Variants in AVPR1B observed in about 807,000 individuals in gnomAD.
AVPR1B encodes the protein arginine vasopressin receptor 1B.
A neutral mutation model predicts 27.5 loss-of-function variants in AVPR1B; 25 were observed. That is an observed-to-expected ratio of 0.91 (90% CI 0.66 to 1.27). The LOEUF is 1.27. AVPR1B is among the 50% of genes most tolerant of loss of function. The pLI is 0.00. For missense variants in AVPR1B, 595 were observed against 556.9 expected (o/e 1.07, Z -0.69); for synonymous variants, 248 against 240.2 (o/e 1.03, Z -0.30).
chr1:206,111,182 T>G (rs574488591), intron 1 of AVPR1B, among the ~76,000 whole-genome samples: 3 of 152,244 alleles, frequency 2.0e-5, no homozygotes, highest in African/African-American at 7.2e-5. Context: ...GGGGGCAGCT[T>G]TTACATACTG....
In AVPR1B at chr1:206,116,343, ACC is replaced by A. The variant is rs782354501; in HGVS notation, c.546_547del (p.Val183AlafsTer42). On this transcript the variant is annotated frameshift_variant, in exon 1 of 2. Transcript: ENST00000367126. LOFTEE classifies it high-confidence loss of function. ...GCCGAAGTCTGCCCAGCAGTCCAGC[ACC>A]CCTGAGCCCTGGATCACCTCCCGCA... The A allele has an allele frequency of 6.2e-7, 1 of 1,613,480 alleles. No homozygotes were observed.
chr1:206,112,583 G>A (rs1663398040), intron 1 of AVPR1B, among the ~76,000 whole-genome samples: 1 of 152,166 alleles, frequency 6.6e-6, no homozygotes, highest in Admixed American at 6.5e-5. Context: ...CTGTGCTCAA[G>A]CAATGCTTCT....
rs1188499262 is a variant in AVPR1B, at chr1:206,108,709, G to A, written c.*1480C>T. ...GGTGGCAGAACCAGGATGCAGCTTT[G>A]CTGATGTTTCAGCTGATGTCTTTTC... On this transcript the variant is annotated 3_prime_UTR_variant, in exon 2 of 2. Transcript: ENST00000367126. Among the ~76,000 whole-genome samples, 1 of 152,208 alleles carries A rather than the reference G, an allele frequency of 6.6e-6. No homozygotes were observed. The highest frequency in any genetic ancestry group is 1.5e-5 in the Non-Finnish European group (1 of 68,038).
intron 1 of AVPR1B, among the ~76,000 whole-genome samples, chr1:206,113,226 A>G (rs34219488): frequency 0.025 from 3,824 of 152,228 alleles, 66 homozygotes; most frequent in Middle Eastern, 0.082. Flanking sequence ...TGTGCTTCCC[A>G]GCCCTTGAGG....
At position 206,110,397 on chromosome 1, in the gene AVPR1B, C is replaced by T; in HGVS notation, c.1067G>A (p.Cys356Tyr). The T allele has an allele frequency of 6.2e-7, 1 of 1,612,806 alleles. No homozygotes were observed. The highest frequency in any genetic ancestry group is 8.5e-7 in the Non-Finnish European group (1 of 1,179,526). ...GCGCATCCTGGGCTGGGGACCCCCACAGCAGGCAAGGTGACGCAGGGGCCG... is the reference window on the plus strand; with the variant it reads ...GCGCATCCTGGGCTGGGGACCCCCATAGCAGGCAAGGTGACGCAGGGGCCG... ...LPRPLRHLAC[C>Y]GGPQPRMRRR... Residue 356 changes from cysteine (C) to tyrosine (Y), a missense_variant, in exon 2 of 2, where the codon TGT becomes TAT. Physicochemically the swap from Cys to Tyr is radical, Grantham distance 194. Coordinates refer to ENST00000367126, the MANE Select transcript of AVPR1B (RefSeq NM_000707.5).
Position 206,110,461 on chromosome 1 carries a change from G to A in AVPR1B, c.1003C>T (p.Pro335Ser), listed in dbSNP as rs372003922. ...CTGTTGAAGCCCATGTAGATCCAGG[G>A]GTTGCAGCAGCTGTTGAGGTTGCCC... ...LLGNLNSCCNPWIYMGFNSHL... is the reference protein window; with the variant it reads ...LLGNLNSCCNSWIYMGFNSHL... The change falls in exon 2 of 2, where the codon CCC becomes TCC. Residue 335 changes from proline (P) to serine (S), a missense_variant. Physicochemically the swap from Pro to Ser is moderately conservative, Grantham distance 74. Transcript: ENST00000367126. The A allele has an allele frequency of 3.7e-6, 6 of 1,613,904 alleles. No individual in the cohort carries two copies. In the African/African-American group the frequency reaches 8.0e-5, roughly 22 times the overall value.
rs782174578 is a variant in AVPR1B at position 206,116,638 on chromosome 1, G to A, written c.253C>T (p.Leu85Phe). The change falls in exon 1 of 2, where the codon CTC becomes TTC. Residue 85 changes from leucine (L) to phenylalanine (F), a missense_variant. By Grantham distance (22) the Leu-to-Phe change is conservative. Transcript: ENST00000367126. ...HLALTDLAVA[L>F]FQVLPQLLWD... ...AGCAGCTGTGGCAGCACCTGGAAGA[G>A]CGCCACGGCCAGGTCTGTCAGGGCT... is the stretch of plus-strand genomic sequence containing the variant. The A allele has an allele frequency of 6.2e-7, 1 of 1,613,684 alleles. No individual in the cohort carries two copies. Among genetic ancestry groups the A allele is most frequent in the East Asian group, 2.2e-5 (1 of 44,874 alleles).
chr1:206,116,785 C>A lies in AVPR1B; in HGVS notation c.106G>T (p.Val36Leu), dbSNP rs782791030. The stretch of plus-strand genomic sequence containing the variant: ...ACAGTGGCCAGGACTCCGATCTCCA[C>A]CTTGGCCAGCTCCTCATCCCGGCCC... ...WLGRDEELAKVEIGVLATVLV... is the reference protein window; with the variant it reads ...WLGRDEELAKLEIGVLATVLV... The change falls in exon 1 of 2, where the codon GTG (valine) becomes TTG (leucine). Residue 36 changes from valine (V) to leucine (L), a missense_variant. Physicochemically the swap from Val to Leu is conservative, Grantham distance 32 (BLOSUM62 1). Coordinates refer to ENST00000367126, the MANE Select transcript of AVPR1B (RefSeq NM_000707.5). The A allele has an allele frequency of 5.0e-6, 8 of 1,614,010 alleles. No individual in the cohort carries two copies. In the South Asian group the frequency reaches 8.8e-5, roughly 18 times the overall value.
chr1:206,114,881 A>G (rs1663437504), intron 1 of AVPR1B, among the ~76,000 whole-genome samples: 1 of 152,160 alleles, frequency 6.6e-6, no homozygotes, highest in Admixed American at 6.5e-5. Flanking sequence ...GTAGGAGCAG[A>G]AGCAGGATAA....
rs1244069319 is a variant in AVPR1B at position 206,108,802 on chromosome 1, C to T, written c.*1387G>A. Reference sequence around the variant, plus strand: ...GGGGAAGCTATGCCATGATAAAAGTCCCCTGGAGATAATGAGCATGTGCCA... The same window carrying T: ...GGGGAAGCTATGCCATGATAAAAGTTCCCTGGAGATAATGAGCATGTGCCA... On this transcript the variant is annotated 3_prime_UTR_variant, in exon 2 of 2. Coordinates refer to ENST00000367126, the MANE Select transcript of AVPR1B (RefSeq NM_000707.5). 2.6e-5 allele frequency among the ~76,000 whole-genome samples: 4 copies of T among 152,174 alleles called. No homozygotes were observed. Among genetic ancestry groups the T allele is most frequent in the African/African-American group, 7.2e-5 (3 of 41,440 alleles).
rs1553289177 is a variant in AVPR1B, at chr1:206,107,611, G to T, written c.*2578C>A. Among the ~76,000 whole-genome samples the T allele has an allele frequency of 6.6e-6, 1 of 152,176 alleles. No individual in the cohort carries two copies. Among genetic ancestry groups the T allele is most frequent in the African/African-American group, 2.4e-5 (1 of 41,440 alleles). ...CCTTTCCATGGGAGGAACAATGAGG[G>T]CTCCAAAGCCACCACCCCAAGTAAA... is the stretch of plus-strand genomic sequence containing the variant. On this transcript the variant is annotated 3_prime_UTR_variant, in exon 2 of 2. Transcript: ENST00000367126.
Position 206,116,780 on chromosome 1 carries a change from C to A in AVPR1B, c.111G>T (p.Glu37Asp). Residue 37 changes from glutamate to aspartate, a missense_variant, in exon 1 of 2, where the codon GAG becomes GAT. Physicochemically the swap from Glu to Asp is conservative, Grantham distance 45. Coordinates refer to ENST00000367126, the MANE Select transcript of AVPR1B (RefSeq NM_000707.5). ...LGRDEELAKV[E>D]IGVLATVLVL... Reference sequence around the variant, plus strand: ...CCAGGACAGTGGCCAGGACTCCGATCTCCACCTTGGCCAGCTCCTCATCCC... The same window carrying A: ...CCAGGACAGTGGCCAGGACTCCGATATCCACCTTGGCCAGCTCCTCATCCC... 1.2e-6 allele frequency: 2 copies of A among 1,613,976 alleles called. No individual in the cohort carries two copies. The highest frequency in any genetic ancestry group is 1.7e-6 in the Non-Finnish European group (2 of 1,179,958).
rs1663478687 is a variant in AVPR1B at position 206,116,601 on chromosome 1, G to A, written c.290C>T (p.Thr97Ile). ...GAGGTCGGGGCCCTGGAAGCGGTAG[G>A]TGATGTCCCACAGCAGCTGTGGCAG... ...QVLPQLLWDI[T>I]YRFQGPDLLC... Residue 97 changes from threonine (T) to isoleucine (I), a missense_variant, in exon 1 of 2, where the codon ACC becomes ATC. Physicochemically the swap from Thr to Ile is moderately conservative, Grantham distance 89. Coordinates refer to ENST00000367126, the MANE Select transcript of AVPR1B (RefSeq NM_000707.5). 8 of 1,614,026 alleles carry A rather than the reference G, an allele frequency of 5.0e-6. No homozygotes were observed. Among genetic ancestry groups the A allele is most frequent in the Admixed American group, 3.3e-5 (2 of 60,008 alleles).
chr1:206,113,741 T>C (rs1663415921), intron 1 of AVPR1B, among the ~76,000 whole-genome samples: 1 of 152,216 alleles, frequency 6.6e-6, no homozygotes, highest in Admixed American at 6.5e-5. Flanking sequence ...GGATGAAGCT[T>C]GGCCCATAAA....
rs1663343530 is a variant in AVPR1B, at chr1:206,110,019, G to A, written c.*170C>T. On this transcript the variant is annotated 3_prime_UTR_variant, in exon 2 of 2. Transcript: ENST00000367126. ...GCTTATGAGGCAGCCCTCACACTAGGGGCAGCTGTGACACCAGGGTAGGGG... is the reference window on the plus strand; with the variant it reads ...GCTTATGAGGCAGCCCTCACACTAGAGGCAGCTGTGACACCAGGGTAGGGG... 10 of 707,480 alleles carry A rather than the reference G, an allele frequency of 1.4e-5. No individual in the cohort carries two copies. The highest frequency in any genetic ancestry group is 2.3e-5 in the Non-Finnish European group (10 of 432,428). The allele number at this position is 707,480 out of a possible 1,614,324, so 43.8% of individuals were successfully genotyped here.
chr1:206,115,454 G>C (rs1379704602), intron 1 of AVPR1B, among the ~76,000 whole-genome samples: 2 of 152,166 alleles, frequency 1.3e-5, no homozygotes, highest in Non-Finnish European at 2.9e-5. Flanking sequence ...CTGAGCCTCT[G>C]TTTCCTCATT....
Position 206,110,511 on chromosome 1 carries a change from A to T in AVPR1B, c.953T>A (p.Val318Glu), listed in dbSNP as rs145967207. 6.2e-6 allele frequency: 10 copies of T among 1,607,608 alleles called. No homozygotes were observed. Among genetic ancestry groups the T allele is most frequent in the Admixed American group, 3.4e-5 (2 of 59,672 alleles). The part of the protein sequence containing the change: ...KNAPDEDSTN[V>E]AFTISMLLGN... ...CAAAAGCATAGAGATGGTGAAAGCC[A>T]CATTGGTGGAATCTACCAAGAGAGA... Residue 318 changes from valine to glutamate, a missense_variant, in exon 2 of 2, where the codon GTG (valine) becomes GAG (glutamate). Val to Glu is a moderately radical substitution (Grantham distance 121). Coordinates refer to ENST00000367126, the MANE Select transcript of AVPR1B (RefSeq NM_000707.5).
In AVPR1B at chr1:206,110,283, C is replaced by A. The variant is rs1393488029; in HGVS notation, c.1181G>T (p.Ser394Ile). Residue 394 changes from serine (S) to isoleucine (I), a missense_variant, in exon 2 of 2, where the codon AGC (serine) becomes ATC (isoleucine). By Grantham distance (142) the Ser-to-Ile change is moderately radical (BLOSUM62 -2). Transcript: ENST00000367126. ...SCPATLSLSL[S>I]LTLSGRPRPE... is the part of the protein sequence containing the mutation. ...CCTGGGCCTCCCACTGAGGGTTAGG[C>A]TGAGGCTGAGGCTGAGGGTGGCCGG... 6 of 1,613,788 alleles carry A rather than the reference C, an allele frequency of 3.7e-6. No individual in the cohort carries two copies. In the African/African-American group the frequency reaches 6.7e-5, roughly 18 times the overall value.
intron 1 of AVPR1B, among the ~76,000 whole-genome samples, chr1:206,114,149 AAAGCATTTGGCTT>A: frequency 6.6e-6 from 1 of 152,204 alleles, no homozygotes; most frequent in East Asian, 1.9e-4. Flanking sequence ...CCAGAAAAGC[AAAGCATTTGGCTT>A]AAGCACGTCC....
Sources: gnomAD v4.1 joint callset for allele counts (sites outside exome capture counted in the v4.1 genomes callset) on GRCh38, gnomAD v4.1.1 for gene constraint, MANE v1.5 for transcripts, NCBI Gene and HGNC (gene_info 2026-07-23, HGNC 2026-07-21) for gene names.